Variants in BMP7 observed in about 807,000 individuals in gnomAD.
BMP7 encodes the protein osteogenic protein 1.
BMP7 carries 12 observed loss-of-function variants against 41.2 expected under a neutral mutation model. That is an observed-to-expected ratio of 0.29 (90% CI 0.19 to 0.47). BMP7 has a LOEUF of 0.47. Among genes scored for constraint, BMP7 ranks in the 20% least tolerant of loss-of-function variants. BMP7 has a pLI of 0.99. For missense variants in BMP7, 467 were observed against 606.0 expected (o/e 0.77, Z 2.41); for synonymous variants, 248 against 250.0 (o/e 0.99, Z 0.07).
rs1248169892 is a variant in BMP7 at position 57,260,539 on chromosome 20, C to T, written c.418+5166G>A. On this transcript the variant is annotated intron_variant, in intron 1 of 6. Transcript: ENST00000395863. Reference sequence around the variant, plus strand: ...GTTTCTATGTAAATATTGGTAGTTCCTCACCCCATGAAGGCGAGAGAAGGC... The same window carrying T: ...GTTTCTATGTAAATATTGGTAGTTCTTCACCCCATGAAGGCGAGAGAAGGC... Among the ~76,000 whole-genome samples the T allele has an allele frequency of 2.0e-5, 3 of 152,154 alleles. No homozygotes were observed. In the East Asian group the frequency reaches 5.8e-4, roughly 29 times the overall value.
At position 57,224,788 on chromosome 20, in the gene BMP7, G is replaced by C. The variant is rs966830680; in HGVS notation, c.611+3441C>G. On this transcript the variant is annotated intron_variant, in intron 2 of 6. Coordinates refer to ENST00000395863, the MANE Select transcript of BMP7 (RefSeq NM_001719.3). This position sits in a 1 kb window ranked among gnomAD's most constrained non-coding sequence, Gnocchi z 4.8. ...TGAGCCCCCACTCGCTCCACAGCCC[G>C]CCAAGGGCGGCTCCAACATGTCTTT... 1 of 152,380 alleles carries C rather than the reference G, an allele frequency of 6.6e-6. No individual in the cohort carries two copies. The highest frequency in any genetic ancestry group is 2.1e-4 in the South Asian group (1 of 4,836). The allele number at this position is 152,380 out of a possible 1,614,324, so 9.4% of individuals were successfully genotyped here.
intron 3 of BMP7, among the ~76,000 whole-genome samples, chr20:57,196,783 G>A (rs957009922): frequency 6.6e-6 from 1 of 152,190 alleles, no homozygotes; most frequent in African/African-American, 2.4e-5. Context: ...AGGATCGCTT[G>A]AGCCTGGACA....
chr20:57,198,237 C>T (rs1156576425), intron 3 of BMP7, among the ~76,000 whole-genome samples: 1 of 151,018 alleles, frequency 6.6e-6, no homozygotes, highest in African/African-American at 2.4e-5. Flanking sequence ...CCTCTCCTCT[C>T]GCTCTCCTCT....
chr20:57,174,183 T>C lies in BMP7; in HGVS notation c.1035+748A>G, dbSNP rs954080616. ...CTCTCCCACTGAACTACAAGCTCCC[T>C]GAGGGTAGAATACCACCAGTTGCCC... On this transcript the variant is annotated intron_variant, in intron 5 of 6. Coordinates refer to ENST00000395863, the MANE Select transcript of BMP7 (RefSeq NM_001719.3). The surrounding 1 kb of genome is among the most constrained non-coding windows in gnomAD (Gnocchi z 4.3). Among the ~76,000 whole-genome samples the C allele has an allele frequency of 2.6e-5, 4 of 152,158 alleles. No homozygotes were observed. Among genetic ancestry groups the C allele is most frequent in the African/African-American group, 9.7e-5 (4 of 41,436 alleles).
At chr20:57,247,901 CT>C (rs1423235659) in intron 1 of BMP7, among the ~76,000 whole-genome samples, 2 of 152,146 alleles carry the variant, frequency 1.3e-5, no homozygotes, top group Non-Finnish European at 2.9e-5. Context: ...AATTTTGCCC[CT>C]ATCTCAGGAG....
intron 3 of BMP7, among the ~76,000 whole-genome samples, chr20:57,200,946 A>G (rs1984604407): frequency 6.6e-6 from 1 of 152,190 alleles, no homozygotes. Flanking sequence ...ATCCCAGGAG[A>G]GCTGGGTATG....
chr20:57,179,175 G>A (rs1274377083), intron 4 of BMP7, among the ~76,000 whole-genome samples: 5 of 152,164 alleles, frequency 3.3e-5, no homozygotes, highest in African/African-American at 9.7e-5. Flanking sequence ...GAAAGTGGCC[G>A]GAGCTCCTGT....
chr20:57,178,727 A>T (rs527512799), intron 4 of BMP7, among the ~76,000 whole-genome samples: 3 of 152,172 alleles, frequency 2.0e-5, no homozygotes, highest in African/African-American at 7.2e-5. Flanking sequence ...AGGGTGGAGG[A>T]GAAGGAACAT....
chr20:57,173,025 C>A, intron 6 of BMP7, 175 bp downstream of exon 6: 2 of 700,368 alleles, frequency 2.9e-6, no homozygotes, highest in Middle Eastern at 3.7e-4. Context: ...TTATACCAAA[C>A]CAGTCATAAA....
chr20:57,242,400 C>T (rs1303421350), intron 1 of BMP7, among the ~76,000 whole-genome samples: 1 of 152,224 alleles, frequency 6.6e-6, no homozygotes. Context: ...TTGGCCTCAT[C>T]TGAGCTGTGA....
At chr20:57,185,171 G>C (rs1461825165) in intron 3 of BMP7, among the ~76,000 whole-genome samples, 2 of 152,192 alleles carry the variant, frequency 1.3e-5, no homozygotes, top group African/African-American at 4.8e-5. Flanking sequence ...GCAGTGGGGA[G>C]GGAGGCTGGT....
Position 57,202,578 on chromosome 20 carries a change from C to T in BMP7, c.657G>A (p.Ser219=), listed in dbSNP as rs760614323. The part of the protein sequence containing the change: ...FLLDSRTLWA[S]EEGWLVFDIT... ...TGTCAAACACCAGCCAGCCCTCCTC[C>T]GAGGCCCAGAGGGTACGGCTGTCGA... The change falls in exon 3 of 7, where the codon TCG becomes TCA. Residue 219 remains serine, a synonymous_variant. Transcript: ENST00000395863. 13 of 1,612,438 alleles carry T rather than the reference C, an allele frequency of 8.1e-6. No individual in the cohort carries two copies. The highest frequency in any genetic ancestry group is 1.6e-4 in the Middle Eastern group (1 of 6,080).
At chr20:57,217,099 A>T (rs1282228722) in intron 2 of BMP7, among the ~76,000 whole-genome samples, 2 of 152,146 alleles carry the variant, frequency 1.3e-5, no homozygotes, top group African/African-American at 4.8e-5. Flanking sequence ...AAGCTTTCCA[A>T]GGAGAATGAC....
chr20:57,241,706 C>A (rs2123130235), intron 1 of BMP7, among the ~76,000 whole-genome samples: 1 of 152,306 alleles, frequency 6.6e-6, no homozygotes, highest in Non-Finnish European at 1.5e-5. Context: ...TCTCCTTGGC[C>A]ATCCTCTTGT....
Position 57,259,178 on chromosome 20 carries a change from G to T in BMP7, c.418+6527C>A, listed in dbSNP as rs557210748. On this transcript the variant is annotated intron_variant, in intron 1 of 6. Coordinates refer to ENST00000395863, the MANE Select transcript of BMP7 (RefSeq NM_001719.3). The surrounding 1 kb of genome is among the most constrained non-coding windows in gnomAD (Gnocchi z 4.7). ...CCAAGTCACACCCACTGCTGTCACC[G>T]AGAACTTCCGTTACACGGCAGTGAA... Among the ~76,000 whole-genome samples the T allele has an allele frequency of 6.6e-6, 1 of 152,198 alleles. No individual in the cohort carries two copies. The highest frequency in any genetic ancestry group is 6.5e-5 in the Admixed American group (1 of 15,292).
intron 1 of BMP7, among the ~76,000 whole-genome samples, chr20:57,232,195 T>G (rs6025453): frequency 0.38 from 57,205 of 152,072 alleles, 14,108 homozygotes; most frequent in African/African-American, 0.71. Context: ...TTAATCCCTG[T>G]GTGTTCCCCT....
chr20:57,249,355 A>C (rs953652487), intron 1 of BMP7, among the ~76,000 whole-genome samples: 4 of 152,108 alleles, frequency 2.6e-5, no homozygotes, highest in African/African-American at 7.2e-5. Context: ...TCCCATGTGC[A>C]ACGGAAGAAG....
intron 1 of BMP7, among the ~76,000 whole-genome samples, chr20:57,258,029 G>A (rs2146031455): frequency 6.6e-6 from 1 of 152,260 alleles, no homozygotes; most frequent in East Asian, 1.9e-4. Flanking sequence ...AAACACACAA[G>A]TCCTCGATTT....
chr20:57,235,823 T>C (rs1287496850), intron 1 of BMP7, among the ~76,000 whole-genome samples: 1 of 152,248 alleles, frequency 6.6e-6, no homozygotes, highest in African/African-American at 2.4e-5. Flanking sequence ...TCAACCATGA[T>C]GGCTTGGTCC....
Sources: allele counts gnomAD v4.1 joint callset (sites outside exome capture counted in the v4.1 genomes callset), GRCh38; gene constraint gnomAD v4.1.1; non-coding constraint Gnocchi (gnomAD v3.1); transcripts MANE v1.5; gene names NCBI Gene and HGNC (gene_info 2026-07-23, HGNC 2026-07-21).